Variants in JAKMIP1 observed in about 807,000 individuals in gnomAD.
JAKMIP1 encodes the protein janus kinase and microtubule interacting protein 1.
In JAKMIP1, 33 loss-of-function variants were observed where a neutral mutation model predicts 113.0. The ratio of observed to expected loss-of-function variants is 0.29; its 90% confidence interval spans 0.22 to 0.39. JAKMIP1 has a LOEUF of 0.39. JAKMIP1 is among the 10% of genes least tolerant of loss of function. The pLI is 1.00. For missense variants in JAKMIP1, 813 were observed against 1,080.5 expected (o/e 0.75, Z 3.47); for synonymous variants, 480 against 459.9 (o/e 1.04, Z -0.56).
intron 12 of JAKMIP1, among the ~76,000 whole-genome samples, chr4:6,054,507 C>G (rs552907368): frequency 6.6e-6 from 1 of 152,300 alleles, no homozygotes; most frequent in South Asian, 2.1e-4. Flanking sequence ...AGCAAGAGTG[C>G]CACACCCAAA....
At chr4:6,172,496 C>G (rs530511991) in intron 1 of JAKMIP1, among the ~76,000 whole-genome samples, 4 of 152,286 alleles carry the variant, frequency 2.6e-5, no homozygotes, top group African/African-American at 9.6e-5. Context: ...GAACCCCAGC[C>G]TGTTCTGACC....
chr4:6,130,557 A>G (rs186310899), intron 1 of JAKMIP1, among the ~76,000 whole-genome samples: 90 of 152,352 alleles, frequency 5.9e-4, no homozygotes, highest in Non-Finnish European at 1.1e-3. Flanking sequence ...GGAAGCAGAC[A>G]TGGTAGAGAA....
chr4:6,084,209 C>T (rs1391284053), intron 5 of JAKMIP1, among the ~76,000 whole-genome samples: 2 of 151,214 alleles, frequency 1.3e-5, no homozygotes, highest in East Asian at 2.0e-4. Context: ...CCCAGCTACT[C>T]GGGAGGCTGA....
At position 6,051,028 on chromosome 4, in the gene JAKMIP1, C is replaced by G. The variant is rs1235973079; in HGVS notation, c.1807-349G>C. On this transcript the variant is annotated intron_variant, in intron 13 of 20. Coordinates refer to ENST00000409021, the MANE Select transcript of JAKMIP1 (RefSeq NM_001099433.2). This position sits in a 1 kb window ranked among gnomAD's most constrained non-coding sequence, Gnocchi z 5.0. ...AATTTGAATAGACAGCAAAAGCCAC[C>G]AACTATGGTTTATTACTCTGTGCCA... 6.6e-6 allele frequency among the ~76,000 whole-genome samples: 1 copy of G among 152,136 alleles called. No homozygotes were observed. Among genetic ancestry groups the G allele is most frequent in the Non-Finnish European group, 1.5e-5 (1 of 68,024 alleles).
At chr4:6,055,543 G>A (rs1560116713) in intron 12 of JAKMIP1, among the ~76,000 whole-genome samples, 1 of 152,140 alleles carries the variant, frequency 6.6e-6, no homozygotes. Flanking sequence ...ATCTGCCCAT[G>A]GACCTGCCTC....
In JAKMIP1 at chr4:6,186,220, T is replaced by A. The variant is rs1179670902; in HGVS notation, c.-148+14033A>T. On this transcript the variant is annotated intron_variant, in intron 1 of 20. Coordinates refer to ENST00000409021, the MANE Select transcript of JAKMIP1 (RefSeq NM_001099433.2). This position sits in a 1 kb window ranked among gnomAD's most constrained non-coding sequence, Gnocchi z 5.5. Reference sequence around the variant, plus strand: ...GCTTGCCAGGGGCAGGTCAGGCGGATGGGCAGGATGCAGACTGAGGAGGCA... The same window carrying A: ...GCTTGCCAGGGGCAGGTCAGGCGGAAGGGCAGGATGCAGACTGAGGAGGCA... 1.3e-5 allele frequency among the ~76,000 whole-genome samples: 2 copies of A among 152,150 alleles called. No homozygotes were observed. The highest frequency in any genetic ancestry group is 3.9e-4 in the East Asian group (2 of 5,180).
chr4:6,092,220 C>T (rs1012806301), intron 3 of JAKMIP1, among the ~76,000 whole-genome samples: 3 of 152,182 alleles, frequency 2.0e-5, no homozygotes, highest in Non-Finnish European at 4.4e-5. Context: ...GGTGGAATCC[C>T]GGCCAGCCCA....
intron 18 of JAKMIP1, among the ~76,000 whole-genome samples, chr4:6,039,084 A>T (rs1713959431): frequency 6.6e-6 from 1 of 152,224 alleles, no homozygotes; most frequent in Admixed American, 6.5e-5. Flanking sequence ...CACTGGGAGC[A>T]CAGTGCCCAT....
chr4:6,133,962 T>G (rs964111691), intron 1 of JAKMIP1, among the ~76,000 whole-genome samples: 1 of 152,216 alleles, frequency 6.6e-6, no homozygotes, highest in Admixed American at 6.5e-5. Context: ...GGAGTGGGCC[T>G]GCACTAGAGC....
At position 6,040,190 on chromosome 4, in the gene JAKMIP1, C is replaced by T. The variant is rs1215559761; in HGVS notation, c.2175+449G>A. On this transcript the variant is annotated intron_variant, in intron 18 of 20. Coordinates refer to ENST00000409021, the MANE Select transcript of JAKMIP1 (RefSeq NM_001099433.2). The surrounding 1 kb of genome is among the most constrained non-coding windows in gnomAD (Gnocchi z 5.8). Reference sequence around the variant, plus strand: ...CAGAATCAATTTTGCAACCCAAATGCAGTATTACATCCGACCTTATACCTC... The same window carrying T: ...CAGAATCAATTTTGCAACCCAAATGTAGTATTACATCCGACCTTATACCTC... 2.6e-5 allele frequency among the ~76,000 whole-genome samples: 4 copies of T among 152,196 alleles called. No homozygotes were observed. Among genetic ancestry groups the T allele is most frequent in the African/African-American group, 7.2e-5 (3 of 41,442 alleles).
intron 8 of JAKMIP1, among the ~76,000 whole-genome samples, chr4:6,071,835 C>A (rs1718999378): frequency 1.3e-5 from 2 of 152,194 alleles, no homozygotes; most frequent in African/African-American, 4.8e-5. Flanking sequence ...TCCCCAGGAC[C>A]CACATCTTCC....
Position 6,106,399 on chromosome 4 carries a change from G to A in JAKMIP1, c.130-432C>T, listed in dbSNP as rs1036327165. On this transcript the variant is annotated intron_variant, in intron 2 of 20. Transcript: ENST00000409021. This position sits in a 1 kb window ranked among gnomAD's most constrained non-coding sequence, Gnocchi z 5.9. ...CAGACCAGGCTTCTAAGTCCTGGGG[G>A]GCAGTGAGCAGGGGGCACCATTCTT... 2.0e-5 allele frequency among the ~76,000 whole-genome samples: 3 copies of A among 152,178 alleles called. No individual in the cohort carries two copies. Among genetic ancestry groups the A allele is most frequent in the Non-Finnish European group, 4.4e-5 (3 of 68,030 alleles).
At chr4:6,096,123 A>G (rs981315708) in intron 3 of JAKMIP1, among the ~76,000 whole-genome samples, 1 of 152,158 alleles carries the variant, frequency 6.6e-6, no homozygotes, top group South Asian at 2.1e-4. Context: ...GTGCCTGTGC[A>G]AGGGCCCTGG....
At chr4:6,101,624 C>T (rs916036799) in intron 3 of JAKMIP1, among the ~76,000 whole-genome samples, 34 of 151,276 alleles carry the variant, frequency 2.2e-4, no homozygotes, top group Admixed American at 2.1e-3. Context: ...TGGTGACTCA[C>T]GTCTGTAATC....
intron 12 of JAKMIP1, among the ~76,000 whole-genome samples, chr4:6,055,636 T>C (rs1000043551): frequency 2.6e-5 from 4 of 152,330 alleles, no homozygotes; most frequent in Admixed American, 2.6e-4. Context: ...GTCAGGAAGA[T>C]GGACCAGCCC....
At chr4:6,083,138 C>T (rs1720825810) in intron 5 of JAKMIP1, among the ~76,000 whole-genome samples, 1 of 152,118 alleles carries the variant, frequency 6.6e-6, no homozygotes, top group Non-Finnish European at 1.5e-5. Context: ...CGCGGTGGCT[C>T]ACGCCTGTAA....
At chr4:6,127,015 T>C (rs573746960) in intron 1 of JAKMIP1, among the ~76,000 whole-genome samples, 77 of 150,864 alleles carry the variant, frequency 5.1e-4, no homozygotes, top group African/African-American at 1.8e-3. Context: ...CCATACCACA[T>C]ATGCCACACA....
At chr4:6,173,686 C>G (rs1725007774) in intron 1 of JAKMIP1, among the ~76,000 whole-genome samples, 1 of 152,200 alleles carries the variant, frequency 6.6e-6, no homozygotes, top group African/African-American at 2.4e-5. Flanking sequence ...GTGTGTATTT[C>G]TATCCTTGTG....
chr4:6,026,431 G>T (rs982538797), intron 20 of JAKMIP1, among the ~76,000 whole-genome samples, 153 bp from the exon 21 acceptor site: 1 of 152,084 alleles, frequency 6.6e-6, no homozygotes, highest in Non-Finnish European at 1.5e-5. Flanking sequence ...AAGTAAACAG[G>T]CTTTAGGAAG....
Sources: gnomAD v4.1 joint callset for allele counts (sites outside exome capture counted in the v4.1 genomes callset) on GRCh38, gnomAD v4.1.1 for gene constraint, Gnocchi (gnomAD v3.1) non-coding constraint, MANE v1.5 for transcripts, NCBI Gene and HGNC (gene_info 2026-07-23, HGNC 2026-07-21) for gene names.